CMYA5: variants seen among roughly 807,000 people sequenced by gnomAD.
CMYA5 encodes the protein cardiomyopathy associated 5.
Under a neutral mutation model 318.9 loss-of-function variants are expected in CMYA5, and 246 were observed. The observed-to-expected ratio is 0.77, with a 90% CI of 0.70 to 0.86. The LOEUF (loss-of-function observed/expected upper bound fraction) is 0.86. CMYA5 is among the 40% of genes least tolerant of loss of function. The pLI is 0.00. For synonymous variants in CMYA5, 1,641 were observed against 1,729.5 expected (o/e 0.95, Z 1.27); for missense variants, 4,589 against 4,678.2 (o/e 0.98, Z 0.56).
At chr5:79,765,742 T>C (rs999965986) in intron 9 of CMYA5, among the ~76,000 whole-genome samples, 1 of 152,328 alleles carries the variant, frequency 6.6e-6, no homozygotes, top group South Asian at 2.1e-4. Context: ...TTTAATTCTC[T>C]TTGTAGCAAT....
intron 1 of CMYA5, among the ~76,000 whole-genome samples, chr5:79,704,686 A>G (rs1203014486): frequency 1.3e-5 from 2 of 152,004 alleles, no homozygotes; most frequent in African/African-American, 4.8e-5. Context: ...GTTGAGAGAG[A>G]GAGAGGGAGA....
chr5:79,723,776 GAAAA>G (rs112255186), intron 1 of CMYA5, among the ~76,000 whole-genome samples: 1 of 118,378 alleles, frequency 8.4e-6, no homozygotes, highest in Admixed American at 9.0e-5. Flanking sequence ...ACAAAACAAT[GAAAA>G]AAAAAAAAGA....
chr5:79,786,885 G>A lies in CMYA5; in HGVS notation c.11556-2086G>A, dbSNP rs116000148. ...TATTACTTTTGTTTGCGTGCCTGCT[G>A]CTTTTATTTCACAGATTCAATGAGG... is the stretch of plus-strand genomic sequence containing the variant. On this transcript the variant is annotated intron_variant, in intron 9 of 12. Coordinates refer to ENST00000446378, the MANE Select transcript of CMYA5 (RefSeq NM_153610.5). Among the ~76,000 whole-genome samples, 304 of 152,316 alleles carry A rather than the reference G, an allele frequency of 2.0e-3. 2 individuals are homozygous for A. Among genetic ancestry groups the A allele is most frequent in the African/African-American group, 6.7e-3 (280 of 41,578 alleles).
rs747565810 is a variant in CMYA5 at position 79,734,270 on chromosome 5, A to G, written c.5505A>G (p.Lys1835=). 6.2e-7 allele frequency: 1 copy of G among 1,613,592 alleles called. No individual in the cohort carries two copies. Among genetic ancestry groups the G allele is most frequent in the East Asian group, 2.2e-5 (1 of 44,880 alleles). ...EKALHSDQTV[K]LPDVSTSSED... is the part of the protein sequence containing the mutation. Reference sequence around the variant, plus strand: ...CACTTCATTCAGATCAAACTGTTAAATTACCTGATGTAAGCACCTCTTCTG... The same window carrying G: ...CACTTCATTCAGATCAAACTGTTAAGTTACCTGATGTAAGCACCTCTTCTG... The change falls in exon 2 of 13, where the codon AAA becomes AAG. Residue 1835 remains lysine, a synonymous_variant. Transcript: ENST00000446378.
chr5:79,738,205 A>G lies in CMYA5; in HGVS notation c.9440A>G (p.Asp3147Gly). Residue 3147 changes from aspartate to glycine, a missense_variant, in exon 2 of 13, where the codon GAT becomes GGT. Asp to Gly is a moderately conservative substitution (Grantham distance 94). Transcript: ENST00000446378. Reference protein sequence around the residue: ...DRNVSKDTKRDVDSKSPGMPL... With the variant: ...DRNVSKDTKRGVDSKSPGMPL... ...AATGTTTCAAAGGACACAAAGAGAG[A>G]TGTGGACTCAAAGTCACCGGGGATG... 1 of 1,613,916 alleles carries G rather than the reference A, an allele frequency of 6.2e-7. No individual in the cohort carries two copies. The highest frequency in any genetic ancestry group is 2.2e-5 in the East Asian group (1 of 44,876).
intron 10 of CMYA5, among the ~76,000 whole-genome samples, chr5:79,790,656 C>T (rs75513940): frequency 0.012 from 1,901 of 152,174 alleles, 22 homozygotes; most frequent in African/African-American, 0.03. Flanking sequence ...CGGTGGGGTC[C>T]GAGAGTCTGA....
In CMYA5 at chr5:79,729,922, C is replaced by T. The variant is rs778066431; in HGVS notation, c.1157C>T (p.Pro386Leu). 3 of 1,613,768 alleles carry T rather than the reference C, an allele frequency of 1.9e-6. No homozygotes were observed. The highest frequency in any genetic ancestry group is 1.1e-5 in the South Asian group (1 of 91,058). ...VEPPSVTPDTPATMFLRTTKE... is the reference protein window; with the variant it reads ...VEPPSVTPDTLATMFLRTTKE... ...CCTCCATCTGTGACACCCGACACAC[C>T]TGCAACTATGTTCCTGAGAACAACA... The change falls in exon 2 of 13, where the codon CCT becomes CTT. Residue 386 changes from proline to leucine, a missense_variant. Pro to Leu is a moderately conservative substitution (Grantham distance 98). Transcript: ENST00000446378.
At chr5:79,692,082 G>A (rs1826979866) in intron 1 of CMYA5, among the ~76,000 whole-genome samples, 1 of 152,206 alleles carries the variant, frequency 6.6e-6, no homozygotes, top group African/African-American at 2.4e-5. Context: ...AAGCCTCCAG[G>A]TAGCCAGCTG....
At position 79,763,578 on chromosome 5, in the gene CMYA5, T is replaced by A. The variant is rs189786842; in HGVS notation, c.11555+369T>A. Among the ~76,000 whole-genome samples the A allele has an allele frequency of 1.1e-4, 16 of 152,270 alleles. 1 individual carries two copies. The East Asian group carries it at 3.1e-3, about 29-fold the overall frequency. On this transcript the variant is annotated intron_variant, in intron 9 of 12. Coordinates refer to ENST00000446378, the MANE Select transcript of CMYA5 (RefSeq NM_153610.5). ...TAACTCAGGAAACTAATAGTGAGCT[T>A]GTGTATAATGTAAATTGGAATGTCT...
At chr5:79,742,177 T>C (rs529077493) in intron 2 of CMYA5, among the ~76,000 whole-genome samples, 69 of 142,188 alleles carry the variant, frequency 4.9e-4, no homozygotes, top group African/African-American at 1.7e-3. Flanking sequence ...CCTCCTCCTC[T>C]TCTTCTTCTT....
At chr5:79,755,434 G>A (rs557707042) in intron 6 of CMYA5, among the ~76,000 whole-genome samples, 186 of 152,200 alleles carry the variant, frequency 1.2e-3, no homozygotes, top group African/African-American at 4.4e-3. Context: ...TTACAGGCGT[G>A]CATCACCATG....
Position 79,770,143 on chromosome 5 carries a change from GC to G in CMYA5, c.11555+6938del, listed in dbSNP as rs558637607. Reference sequence around the variant, plus strand: ...TACTCAAGCCTCAGTAATGGCGGACGCCCCTCCCCCCACCAAGCTCGAGCAT... The same window carrying G: ...TACTCAAGCCTCAGTAATGGCGGACGCCCTCCCCCCACCAAGCTCGAGCAT... On this transcript the variant is annotated intron_variant, in intron 9 of 12. Transcript: ENST00000446378. Among the ~76,000 whole-genome samples the G allele has an allele frequency of 3.2e-3, 484 of 152,234 alleles. 1 individual carries two copies. The highest frequency in any genetic ancestry group is 0.011 in the African/African-American group (461 of 41,544).
chr5:79,774,277 T>C (rs1828902104), intron 9 of CMYA5: 2 of 152,156 alleles, frequency 1.3e-5, no homozygotes, highest in East Asian at 3.9e-4. Context: ...CGGCCCCTGT[T>C]GGGTTTGGGG....
chr5:79,723,668 G>C (rs1223180773), intron 1 of CMYA5, among the ~76,000 whole-genome samples: 1 of 150,392 alleles, frequency 6.6e-6, no homozygotes, highest in East Asian at 2.0e-4. Context: ...ATGCTGAGGA[G>C]AGAGGATTGC....
intron 1 of CMYA5, among the ~76,000 whole-genome samples, chr5:79,725,477 G>T (rs773311936): frequency 2.6e-5 from 4 of 152,176 alleles, no homozygotes; most frequent in Non-Finnish European, 4.4e-5. Context: ...GGGGAGGAGG[G>T]AGGGGTAAGA....
rs200251867 is a variant in CMYA5, at chr5:79,791,029, G to C, written c.11749G>C (p.Gly3917Arg). ...AHPALHISSSGTVISFGERRR... is the reference protein window; with the variant it reads ...AHPALHISSSRTVISFGERRR... Reference sequence around the variant, plus strand: ...TCCTGCTCTACACATTTCCTCAAGTGGGACAGTGATCAGCTTTGGTGAGAG... The same window carrying C: ...TCCTGCTCTACACATTTCCTCAAGTCGGACAGTGATCAGCTTTGGTGAGAG... The change falls in exon 11 of 13, where the codon GGG (glycine) becomes CGG (arginine). Residue 3917 changes from glycine to arginine, a missense_variant. Coordinates refer to ENST00000446378, the MANE Select transcript of CMYA5 (RefSeq NM_153610.5). 682 of 1,613,844 alleles carry C rather than the reference G, an allele frequency of 4.2e-4. 4 individuals carry two copies. The highest frequency in any genetic ancestry group is 3.3e-3 in the South Asian group (299 of 91,034).
chr5:79,749,300 G>A (rs372569126), intron 5 of CMYA5, among the ~76,000 whole-genome samples: 4 of 152,284 alleles, frequency 2.6e-5, no homozygotes, highest in South Asian at 2.1e-4. Context: ...TCATGTACAC[G>A]TGCACACACT....
At chr5:79,787,562 C>T (rs909889614) in intron 9 of CMYA5, among the ~76,000 whole-genome samples, 1 of 152,146 alleles carries the variant, frequency 6.6e-6, no homozygotes, top group African/African-American at 2.4e-5. Context: ...GTCATTGATC[C>T]AGTCTGAGTG....
chr5:79,743,207 G>C (rs1828252975), intron 2 of CMYA5, among the ~76,000 whole-genome samples: 1 of 152,208 alleles, frequency 6.6e-6, no homozygotes, highest in South Asian at 2.1e-4. Flanking sequence ...AAGATTGGCT[G>C]TTGCTAGGTT....
Sources: gnomAD v4.1 joint callset for allele counts (sites outside exome capture counted in the v4.1 genomes callset) on GRCh38, gnomAD v4.1.1 for gene constraint, MANE v1.5 for transcripts, NCBI Gene and HGNC (gene_info 2026-07-23, HGNC 2026-07-21) for gene names.